The following WDR7 variants were observed in gnomAD, a reference collection of about 807,000 sequenced individuals.
The protein encoded by WDR7 is WD repeat-containing protein 7.
A neutral mutation model predicts 169.4 loss-of-function variants in WDR7; 46 were observed. The observed-to-expected ratio is 0.27, with a 90% CI of 0.21 to 0.35. The LOEUF is 0.35. WDR7 is among the 10% of genes least tolerant of loss of function. The probability of loss-of-function intolerance (pLI) is 1.00; values close to 1 mark genes in which losing one functional copy is unlikely to be tolerated. For synonymous variants in WDR7, 612 were observed against 666.8 expected, an observed-to-expected ratio of 0.92 and a Z score of 1.27; for missense variants, 1,534 against 1,859.3, an observed-to-expected ratio of 0.83 and a Z score of 3.22.
chr18:56,849,010 T>G (rs765823407), intron 20 of WDR7, among the ~76,000 whole-genome samples: 13 of 152,234 alleles, frequency 8.5e-5, no homozygotes, highest in Admixed American at 5.2e-4. Flanking sequence ...TCTTACAGTT[T>G]CCAAGCTTCG....
intron 13 of WDR7, among the ~76,000 whole-genome samples, chr18:56,724,980 A>G (rs933621758): frequency 6.6e-5 from 10 of 152,008 alleles, no homozygotes; most frequent in Non-Finnish European, 1.5e-4. Context: ...AAAGGACATG[A>G]ACTCATTCTT....
chr18:56,777,457 T>A (rs528156092), intron 17 of WDR7, among the ~76,000 whole-genome samples: 1 of 152,312 alleles, frequency 6.6e-6, no homozygotes, highest in South Asian at 2.1e-4. Context: ...GCTACCATGT[T>A]ATCTCTGTGG....
At chr18:56,885,720 G>A (rs1288553667) in intron 21 of WDR7, among the ~76,000 whole-genome samples, 3 of 151,430 alleles carry the variant, frequency 2.0e-5, no homozygotes, top group South Asian at 2.1e-4. Context: ...CCAGCTACTC[G>A]GGAGACTGAG....
At chr18:56,821,786 G>A (rs1469153793) in intron 20 of WDR7, among the ~76,000 whole-genome samples, 1 of 151,520 alleles carries the variant, frequency 6.6e-6, no homozygotes, top group African/African-American at 2.4e-5. Context: ...CTTGAGGCCA[G>A]GCATTTGAGA....
chr18:56,882,098 T>C (rs977663555), intron 21 of WDR7, among the ~76,000 whole-genome samples: 9 of 152,200 alleles, frequency 5.9e-5, no homozygotes, highest in African/African-American at 2.2e-4. Context: ...TACTGGCTCC[T>C]ACCTCCCCAC....
chr18:56,688,744 G>A (rs1055569792), intron 7 of WDR7, among the ~76,000 whole-genome samples: 10 of 151,144 alleles, frequency 6.6e-5, no homozygotes, highest in Non-Finnish European at 1.5e-4. Context: ...AAAAAAAAAA[G>A]GGGCAAGAGG....
chr18:56,705,865 G>C (rs1190901999), intron 12 of WDR7, among the ~76,000 whole-genome samples: 1 of 152,158 alleles, frequency 6.6e-6, no homozygotes. Flanking sequence ...GGGTGTGGTG[G>C]CGCGTGCCTA....
intron 26 of WDR7, among the ~76,000 whole-genome samples, chr18:57,004,582 A>G (rs910860894): frequency 1.3e-5 from 2 of 152,162 alleles, no homozygotes; most frequent in African/African-American, 4.8e-5. Context: ...ATGGCTGCCC[A>G]TGTGGAAACA....
At chr18:56,804,608 AAG>A in intron 19 of WDR7, among the ~76,000 whole-genome samples, 1 of 152,140 alleles carries the variant, frequency 6.6e-6, no homozygotes, top group East Asian at 1.9e-4. Flanking sequence ...GTAAGTCAAA[AAG>A]TGAAATGTAT....
intron 26 of WDR7, among the ~76,000 whole-genome samples, chr18:57,003,148 T>G (rs970560239): frequency 1.8e-4 from 27 of 152,126 alleles, no homozygotes; most frequent in Non-Finnish European, 2.9e-5. Context: ...TAGTATAGAT[T>G]TATTACAGTG....
At chr18:56,683,138 G>C (rs78093144) in intron 5 of WDR7, among the ~76,000 whole-genome samples, 2 of 152,046 alleles carry the variant, frequency 1.3e-5, no homozygotes, top group South Asian at 2.1e-4. Flanking sequence ...TTAACCTTTG[G>C]GGGTGTAGTT....
chr18:56,672,588 G>A lies in WDR7; in HGVS notation c.73G>A (p.Val25Ile), dbSNP rs576060072. Residue 25 changes from valine to isoleucine, a missense_variant, in exon 2 of 28, where the codon GTA (valine) becomes ATA (isoleucine). Physicochemically the swap from Val to Ile is conservative, Grantham distance 29 (BLOSUM62 3). Coordinates refer to ENST00000254442, the MANE Select transcript of WDR7 (RefSeq NM_015285.3). ...RKAPTHCISA[V>I]LLTDDGATIV... ...AGCGCCCACACATTGCATCTCAGCC[G>A]TACTTTTAACAGATGATGGGGCCAC... 6 of 1,613,296 alleles carry A rather than the reference G, an allele frequency of 3.7e-6. No individual in the cohort carries two copies. The highest frequency in any genetic ancestry group is 1.3e-5 in the African/African-American group (1 of 74,952).
intron 19 of WDR7, among the ~76,000 whole-genome samples, chr18:56,812,062 C>T (rs2044878381): frequency 6.6e-6 from 1 of 152,032 alleles, no homozygotes; most frequent in African/African-American, 2.4e-5. Context: ...GGAGATTTGG[C>T]GTCTTTCCTG....
At chr18:56,769,628 G>A (rs1334712041) in intron 16 of WDR7, among the ~76,000 whole-genome samples, 1 of 152,168 alleles carries the variant, frequency 6.6e-6, no homozygotes, top group Admixed American at 6.5e-5. Context: ...TCTTTACTCA[G>A]TGGGAGGTGC....
chr18:56,716,956 T>G (rs1410583132), intron 12 of WDR7, among the ~76,000 whole-genome samples: 1 of 152,204 alleles, frequency 6.6e-6, no homozygotes, highest in Admixed American at 6.5e-5. Context: ...TATTGATCTT[T>G]AGTTTAAAAA....
chr18:56,741,477 C>T (rs1164674218), intron 14 of WDR7, among the ~76,000 whole-genome samples: 6 of 152,124 alleles, frequency 3.9e-5, no homozygotes, highest in Admixed American at 3.3e-4. Flanking sequence ...CCTTCCTGCT[C>T]CTACAAATCT....
chr18:56,856,538 A>AAAAT (rs907428989), intron 20 of WDR7, among the ~76,000 whole-genome samples: 1 of 152,074 alleles, frequency 6.6e-6, no homozygotes, highest in Non-Finnish European at 1.5e-5. Flanking sequence ...AGTCTTTAAA[A>AAAAT]AAATAAATAA....
chr18:56,877,706 C>A (rs183607181), intron 20 of WDR7, among the ~76,000 whole-genome samples: 352 of 152,194 alleles, frequency 2.3e-3, no homozygotes, highest in African/African-American at 8.0e-3. Context: ...GGGTTTACCC[C>A]AGATATGGAA....
chr18:56,840,961 A>G (rs60172679), intron 20 of WDR7, among the ~76,000 whole-genome samples: 14,421 of 151,620 alleles, frequency 0.095, 1,731 homozygotes, highest in African/African-American at 0.28. Flanking sequence ...GGGCCAAGAC[A>G]GGGGGGATCA....
Sources: gnomAD v4.1 joint callset for allele counts (sites outside exome capture counted in the v4.1 genomes callset) on GRCh38, gnomAD v4.1.1 for gene constraint, MANE v1.5 for transcripts, NCBI Gene and HGNC (gene_info 2026-07-23, HGNC 2026-07-21) for gene names.